GALNT13: variants seen among roughly 807,000 people sequenced by gnomAD.
GALNT13 encodes UDP-GalNAc:polypeptide N-acetylgalactosaminyltransferase 13.
A neutral mutation model predicts 64.2 loss-of-function variants in GALNT13; 28 were observed. That is an observed-to-expected ratio of 0.44 (90% CI 0.32 to 0.60). The LOEUF (loss-of-function observed/expected upper bound fraction) is 0.60. Among genes scored for constraint, GALNT13 ranks in the 20% least tolerant of loss-of-function variants. The pLI, the probability that GALNT13 is intolerant of heterozygous loss-of-function variation, is 0.05. For synonymous variants in GALNT13, 214 were observed against 224.6 expected (o/e 0.95, Z 0.42); for missense variants, 577 against 669.8 (o/e 0.86, Z 1.53).
intron 4 of GALNT13, among the ~76,000 whole-genome samples, chr2:154,155,856 A>G (rs1265095901): frequency 6.6e-6 from 1 of 151,966 alleles, no homozygotes; most frequent in Non-Finnish European, 1.5e-5. Context: ...GCATTTTGTT[A>G]CATTCCAAGT....
intron 3 of GALNT13, among the ~76,000 whole-genome samples, chr2:154,064,540 C>T (rs1002820763): frequency 4.6e-5 from 7 of 152,200 alleles, no homozygotes; most frequent in East Asian, 1.9e-4. Flanking sequence ...GATACCAGCT[C>T]AGCCAGAGTA....
At chr2:153,665,497 C>T in the GALNT13 span, among the ~76,000 whole-genome samples, 9 of 152,144 alleles carry the variant, frequency 5.9e-5, no homozygotes. Flanking sequence ...CCACCTCCCC[C>T]TATCTAGCAT....
At chr2:153,266,065 G>C in the GALNT13 span, among the ~76,000 whole-genome samples, 7 of 152,092 alleles carry the variant, frequency 4.6e-5, no homozygotes, top group Non-Finnish European at 1.0e-4. Flanking sequence ...TGTAAATGTA[G>C]CTTTTATATT....
chr2:154,219,965 C>T (rs1246009017), intron 4 of GALNT13, among the ~76,000 whole-genome samples: 2 of 152,022 alleles, frequency 1.3e-5, no homozygotes, highest in Non-Finnish European at 2.9e-5. Context: ...GGACACATAT[C>T]ATATATATCA....
At chr2:153,706,623 T>C in the GALNT13 span, among the ~76,000 whole-genome samples, 1 of 152,228 alleles carries the variant, frequency 6.6e-6, no homozygotes, top group African/African-American at 2.4e-5. Context: ...GGTTGCTTTA[T>C]GAAATAGACC....
intron 12 of GALNT13, among the ~76,000 whole-genome samples, chr2:154,447,080 C>G (rs1483278980): frequency 6.6e-6 from 1 of 151,382 alleles, no homozygotes; most frequent in Non-Finnish European, 1.5e-5. Context: ...ATAGCCATGT[C>G]TATATGACAA....
At chr2:154,420,982 T>C (rs62172335) in intron 11 of GALNT13, among the ~76,000 whole-genome samples, 8,006 of 152,190 alleles carry the variant, frequency 0.053, 265 homozygotes, top group Middle Eastern at 0.078. Context: ...TTGGAATAAA[T>C]TAGGCAAGGA....
intron 4 of GALNT13, among the ~76,000 whole-genome samples, chr2:154,142,769 T>C (rs1326796296): frequency 6.6e-6 from 1 of 151,666 alleles, no homozygotes; most frequent in African/African-American, 2.4e-5. Context: ...AATATTAAAT[T>C]TGTGCATTGC....
chr2:154,004,781 G>A (rs1696141325), intron 3 of GALNT13, among the ~76,000 whole-genome samples: 1 of 152,090 alleles, frequency 6.6e-6, no homozygotes, highest in Non-Finnish European at 1.5e-5. Context: ...GCACAGTTAT[G>A]TTTCAAATAT....
chr2:153,335,903 T>C, the GALNT13 span, among the ~76,000 whole-genome samples: 1 of 152,278 alleles, frequency 6.6e-6, no homozygotes, highest in African/African-American at 2.4e-5. Flanking sequence ...CTGTGCTGTA[T>C]GCAGCCTAGG....
upstream of GALNT13, among the ~76,000 whole-genome samples, chr2:153,871,378 A>G (rs950011073): frequency 1.3e-5 from 2 of 152,042 alleles, no homozygotes; most frequent in Admixed American, 1.3e-4. Context: ...ACTGTAACCA[A>G]CAAGAGGCCA....
the GALNT13 span, among the ~76,000 whole-genome samples, chr2:153,857,524 C>A: frequency 2.0e-5 from 3 of 152,112 alleles, no homozygotes; most frequent in African/African-American, 7.2e-5. Flanking sequence ...CCAAAGCATT[C>A]GTAAAAAATC....
At chr2:153,494,606 C>T in the GALNT13 span, among the ~76,000 whole-genome samples, 1 of 151,632 alleles carries the variant, frequency 6.6e-6, no homozygotes, top group Non-Finnish European at 1.5e-5. Context: ...AAAAAACTAA[C>T]AAGAAATGGA....
chr2:154,181,176 T>G (rs760913692), intron 4 of GALNT13, among the ~76,000 whole-genome samples: 8 of 152,196 alleles, frequency 5.3e-5, no homozygotes, highest in Admixed American at 3.3e-4. Flanking sequence ...AATACTTTAT[T>G]GTTGTATATT....
At chr2:153,203,626 C>A in the GALNT13 span, among the ~76,000 whole-genome samples, 12 of 152,142 alleles carry the variant, frequency 7.9e-5, no homozygotes, top group Non-Finnish European at 1.6e-4. Flanking sequence ...TCCACAAACA[C>A]ACTGTTAATC....
At chr2:153,366,296 A>C in the GALNT13 span, among the ~76,000 whole-genome samples, 4 of 152,032 alleles carry the variant, frequency 2.6e-5, no homozygotes, top group Non-Finnish European at 5.9e-5. Flanking sequence ...TGCATGCATG[A>C]TTTAAAACCT....
chr2:153,891,671 A>G (rs1488633497), intron 1 of GALNT13, among the ~76,000 whole-genome samples: 1 of 152,086 alleles, frequency 6.6e-6, no homozygotes, highest in East Asian at 1.9e-4. Flanking sequence ...AAATAAAACT[A>G]TGCCTCATCA....
the GALNT13 span, among the ~76,000 whole-genome samples, chr2:153,572,889 T>G: frequency 2.0e-5 from 3 of 151,990 alleles, no homozygotes; most frequent in Non-Finnish European, 2.9e-5. Context: ...ATGATCCATG[T>G]GCTAAGAAAA....
the GALNT13 span, among the ~76,000 whole-genome samples, chr2:153,542,181 G>A: frequency 4.6e-5 from 7 of 152,078 alleles, no homozygotes; most frequent in African/African-American, 9.6e-5. Context: ...TTAGCCAGTC[G>A]TGGTGGCACA....
Sources: gnomAD v4.1 joint callset for allele counts (sites outside exome capture counted in the v4.1 genomes callset) on GRCh38, gnomAD v4.1.1 for gene constraint, MANE v1.5 for transcripts, NCBI Gene and HGNC (gene_info 2026-07-23, HGNC 2026-07-21) for gene names.